Variants in SUCLG2 observed in about 807,000 individuals in gnomAD.
The protein encoded by SUCLG2 is succinate--CoA ligase [GDP-forming] subunit beta, mitochondrial.
SUCLG2 carries 42 observed loss-of-function variants against 47.9 expected under a neutral mutation model. That is an observed-to-expected ratio of 0.88 (90% confidence interval 0.69 to 1.14). The LOEUF (loss-of-function observed/expected upper bound fraction) is 1.14. SUCLG2 is among the 50% of genes most tolerant of loss of function. SUCLG2 has a pLI of 0.00. For synonymous variants in SUCLG2, 195 were observed against 197.3 expected (o/e 0.99, Z 0.10); for missense variants, 571 against 525.9 (o/e 1.09, Z -0.84).
At chr3:67,526,625 A>G (rs1706262794) in intron 4 of SUCLG2, among the ~76,000 whole-genome samples, 1 of 152,212 alleles carries the variant, frequency 6.6e-6, no homozygotes, top group South Asian at 2.1e-4. Context: ...CATTAGGGAA[A>G]TGCAAATTAA....
chr3:67,614,495 T>C (rs1305276030), intron 1 of SUCLG2, among the ~76,000 whole-genome samples: 1 of 151,872 alleles, frequency 6.6e-6, no homozygotes, highest in African/African-American at 2.4e-5. Flanking sequence ...ATTCCTGCTG[T>C]TGTCCATCCA....
Position 67,380,703 on chromosome 3 carries a change from GAGAT to G in SUCLG2, c.1184-4848_1184-4845del, listed in dbSNP as rs1221881267. On this transcript the variant is annotated intron_variant, in intron 10 of 10. Transcript: ENST00000307227. ...AAAGGGGGGTAGAGAGAGAGAGAGG[GAGAT>G]AGAGAGAGAGACAAATGAAGAGAGA... 4.7e-5 allele frequency among the ~76,000 whole-genome samples: 3 copies of G among 63,490 alleles called. No homozygotes were observed. The East Asian group carries it at 1.6e-3, about 35-fold the overall frequency. 41.7% of individuals were successfully genotyped at this position (63,490 alleles called of 152,430 possible).
intron 1 of SUCLG2, among the ~76,000 whole-genome samples, chr3:67,630,154 T>C (rs1207035898): frequency 7.1e-6 from 1 of 141,770 alleles, no homozygotes; most frequent in African/African-American, 2.7e-5. Flanking sequence ...AAACCTACTT[T>C]ATAAAGCAAA....
chr3:67,488,867 C>A lies in SUCLG2; in HGVS notation c.1062+6931G>T, dbSNP rs373511958. On this transcript the variant is annotated intron_variant, in intron 9 of 10. Transcript: ENST00000307227. ...TCTACAAAGGCATCTACACAGAGGA[C>A]TCGTAATCAATTCCGGAGCTTGCTG... Among the ~76,000 whole-genome samples, 4 of 152,192 alleles carry A rather than the reference C, an allele frequency of 2.6e-5. No homozygotes were observed. The East Asian group carries it at 5.8e-4, about 22-fold the overall frequency.
intron 8 of SUCLG2, among the ~76,000 whole-genome samples, chr3:67,497,628 T>C (rs1264534341): frequency 6.6e-6 from 1 of 152,198 alleles, no homozygotes; most frequent in Non-Finnish European, 1.5e-5. Context: ...AGGAATTTTG[T>C]TTTAAACCTA....
chr3:67,376,059 T>G lies in SUCLG2; in HGVS notation c.1184-200A>C, dbSNP rs910246961. The G allele has an allele frequency of 5.1e-6, 5 of 985,332 alleles. No individual in the cohort carries two copies. In the African/African-American group the frequency reaches 8.7e-5, roughly 17 times the overall value. 61.0% of individuals were successfully genotyped at this position (985,332 alleles called of 1,614,324 possible). On this transcript the variant is annotated intron_variant, in intron 10 of 10. Coordinates refer to ENST00000307227, the MANE Select transcript of SUCLG2 (RefSeq NM_003848.4). Reference sequence around the variant, plus strand: ...GCTGTGGTCCAGCTAGAAAAGAAGATGAAAGCAAGGGCTTGCAAGAGGGAA... The same window carrying G: ...GCTGTGGTCCAGCTAGAAAAGAAGAGGAAAGCAAGGGCTTGCAAGAGGGAA...
At chr3:67,547,122 G>T (rs1706887325) in intron 2 of SUCLG2, among the ~76,000 whole-genome samples, 1 of 152,174 alleles carries the variant, frequency 6.6e-6, no homozygotes, top group South Asian at 2.1e-4. Context: ...GGTGGGGGCA[G>T]AGACCTCCTG....
At chr3:67,395,801 C>A (rs1289875942) in intron 10 of SUCLG2, among the ~76,000 whole-genome samples, 2 of 152,040 alleles carry the variant, frequency 1.3e-5, no homozygotes, top group Admixed American at 1.3e-4. Context: ...AGTAAAAGAA[C>A]AGAAATTATA....
rs34703906 is a variant in SUCLG2 at position 67,591,838 on chromosome 3, AT to A, written c.226+17616del. On this transcript the variant is annotated intron_variant, in intron 2 of 10. Transcript: ENST00000307227. ...ACTAAATAATAGAAATCTATATCAC[AT>A]TCCCCTTTAGAGTTCATCATATCAG... Among the ~76,000 whole-genome samples, 56 of 152,218 alleles carry A rather than the reference AT, an allele frequency of 3.7e-4. 1 individual carries two copies. The highest frequency in any genetic ancestry group is 3.5e-4 in the Non-Finnish European group (24 of 68,042).
At chr3:67,448,989 T>C (rs567077924) in intron 9 of SUCLG2, among the ~76,000 whole-genome samples, 10 of 152,344 alleles carry the variant, frequency 6.6e-5, no homozygotes, top group Admixed American at 3.9e-4. Flanking sequence ...AAAAACACTG[T>C]TGAATTTGAA....
chr3:67,382,982 T>G (rs1012025126), intron 10 of SUCLG2, among the ~76,000 whole-genome samples: 1 of 152,242 alleles, frequency 6.6e-6, no homozygotes, highest in African/African-American at 2.4e-5. Flanking sequence ...CTTGGTGACC[T>G]GTAAATTTAG....
chr3:67,415,146 A>T (rs1483814066), intron 9 of SUCLG2, among the ~76,000 whole-genome samples: 1 of 152,214 alleles, frequency 6.6e-6, no homozygotes, highest in South Asian at 2.1e-4. Context: ...GTGAGCCACC[A>T]TGCTTGGCCA....
At chr3:67,574,353 A>T (rs992275599) in intron 2 of SUCLG2, among the ~76,000 whole-genome samples, 1 of 152,222 alleles carries the variant, frequency 6.6e-6, no homozygotes, top group African/African-American at 2.4e-5. Context: ...TACTTTTCTA[A>T]TGACCACATG....
At position 67,621,883 on chromosome 3, in the gene SUCLG2, A is replaced by C. The variant is rs1394394180; in HGVS notation, c.85-12287T>G. ...TCTTATAAGCAACAGAAAATGAACT[A>C]AGACATGGCCTATGTATTACATTTA... On this transcript the variant is annotated intron_variant, in intron 1 of 10. Transcript: ENST00000307227. Among the ~76,000 whole-genome samples the C allele has an allele frequency of 2.6e-5, 4 of 152,214 alleles. No homozygotes were observed. The East Asian group carries it at 7.7e-4, about 29-fold the overall frequency.
intron 1 of SUCLG2, among the ~76,000 whole-genome samples, chr3:67,641,112 T>C (rs1427511901): frequency 1.3e-5 from 2 of 152,210 alleles, no homozygotes; most frequent in Non-Finnish European, 2.9e-5. Context: ...CTTGCTATTG[T>C]TTAAAATATT....
chr3:67,360,599 T>C (rs1424304781), exon 11 of SUCLG2: 3 of 1,463,480 alleles, frequency 2.0e-6, no homozygotes, highest in African/African-American at 2.8e-5. Flanking sequence ...GGAAAAGTAA[T>C]CTCAGCAAGT....
chr3:67,392,995 T>C (rs1178959476), intron 10 of SUCLG2, among the ~76,000 whole-genome samples: 1 of 151,954 alleles, frequency 6.6e-6, no homozygotes, highest in African/African-American at 2.4e-5. Context: ...CTGTACTTTT[T>C]ACTACCACAT....
chr3:67,511,775 T>G (rs1705798120), intron 6 of SUCLG2, among the ~76,000 whole-genome samples: 1 of 151,448 alleles, frequency 6.6e-6, no homozygotes, highest in South Asian at 2.1e-4. Context: ...TTTTTTTGTG[T>G]GAATTTTGCC....
chr3:67,636,861 G>T (rs1018311908), intron 1 of SUCLG2, among the ~76,000 whole-genome samples: 1 of 151,880 alleles, frequency 6.6e-6, no homozygotes, highest in Non-Finnish European at 1.5e-5. Flanking sequence ...TCCTGGTGGA[G>T]GATATAAACG....
Sources: allele counts gnomAD v4.1 joint callset (sites outside exome capture counted in the v4.1 genomes callset), GRCh38; gene constraint gnomAD v4.1.1; transcripts MANE v1.5; gene names NCBI Gene and HGNC (gene_info 2026-07-23, HGNC 2026-07-21).